PTPRD: variants seen among roughly 807,000 people sequenced by gnomAD.
PTPRD encodes receptor-type tyrosine-protein phosphatase delta.
Under a neutral mutation model 214.5 loss-of-function variants are expected in PTPRD, and 34 were observed. That is an observed-to-expected ratio of 0.16 (90% CI 0.12 to 0.21). The LOEUF (loss-of-function observed/expected upper bound fraction) is 0.21. PTPRD is among the 10% of genes least tolerant of loss of function. PTPRD has a pLI of 1.00. For missense variants in PTPRD, 2,545 were observed against 2,398.7 expected (o/e 1.06, Z -1.27); for synonymous variants, 1,128 against 845.7 (o/e 1.33, Z -5.79).
intron 5 of PTPRD, among the ~76,000 whole-genome samples, chr9:9,931,840 G>T (rs1449112278): frequency 6.6e-6 from 1 of 150,890 alleles, no homozygotes; most frequent in Non-Finnish European, 1.5e-5. Context: ...TGACAGCTTT[G>T]AAGAGAGCAG....
chr9:9,860,309 T>C (rs2062448471), intron 5 of PTPRD, among the ~76,000 whole-genome samples: 1 of 152,254 alleles, frequency 6.6e-6, no homozygotes, highest in South Asian at 2.1e-4. Context: ...ACAACTTGTA[T>C]GTGAAAACTT....
chr9:9,695,462 A>G (rs1359807439), intron 7 of PTPRD, among the ~76,000 whole-genome samples: 2 of 152,204 alleles, frequency 1.3e-5, no homozygotes, highest in Non-Finnish European at 2.9e-5. Context: ...TCCCTAGGTC[A>G]TATGTGACCT....
chr9:8,758,643 A>G (rs1598902229), intron 11 of PTPRD, among the ~76,000 whole-genome samples: 1 of 152,214 alleles, frequency 6.6e-6, no homozygotes, highest in African/African-American at 2.4e-5. Flanking sequence ...TTTTAAAAAG[A>G]ATTTCTGACT....
intron 10 of PTPRD, among the ~76,000 whole-genome samples, chr9:9,148,874 A>G (rs946082512): frequency 6.6e-6 from 1 of 152,196 alleles, no homozygotes; most frequent in Non-Finnish European, 1.5e-5. Flanking sequence ...CAAGAAAATG[A>G]TATGGTTACA....
chr9:9,991,589 G>A (rs966654435), intron 4 of PTPRD, among the ~76,000 whole-genome samples: 14 of 152,022 alleles, frequency 9.2e-5, no homozygotes, highest in Admixed American at 7.9e-4. Flanking sequence ...TCGAACTCCT[G>A]AACTCAGGTG....
intron 3 of PTPRD, among the ~76,000 whole-genome samples, chr9:10,225,402 A>G (rs2099585515): frequency 6.6e-6 from 1 of 152,056 alleles, no homozygotes; most frequent in Non-Finnish European, 1.5e-5. Flanking sequence ...GCTGATATTA[A>G]CAGTCCGCTT....
intron 3 of PTPRD, among the ~76,000 whole-genome samples, chr9:10,226,520 C>A (rs955938753): frequency 3.3e-5 from 5 of 152,006 alleles, no homozygotes; most frequent in Non-Finnish European, 7.4e-5. Flanking sequence ...AGGAATGAGG[C>A]TCCAAGCACT....
At chr9:10,413,163 A>C (rs1356410126) in intron 2 of PTPRD, among the ~76,000 whole-genome samples, 2 of 151,998 alleles carry the variant, frequency 1.3e-5, no homozygotes, top group East Asian at 3.9e-4. Context: ...GGAAGAGAGG[A>C]AGTCAAACTA....
chr9:8,575,709 A>G (rs1222502758), intron 14 of PTPRD, among the ~76,000 whole-genome samples: 1 of 152,210 alleles, frequency 6.6e-6, no homozygotes, highest in African/African-American at 2.4e-5. Flanking sequence ...AATAATTCAG[A>G]AAGGAAAAAA....
chr9:10,351,207 A>AT (rs1050133994), intron 2 of PTPRD, among the ~76,000 whole-genome samples: 2 of 151,794 alleles, frequency 1.3e-5, no homozygotes, highest in Non-Finnish European at 2.9e-5. Context: ...TCAGTTGTAA[A>AT]TTTTTTTTTA....
In PTPRD at chr9:10,172,230, T is replaced by C. The variant is rs190707060; in HGVS notation, c.-544-138440A>G. On this transcript the variant is annotated intron_variant, in intron 3 of 45. Coordinates refer to ENST00000381196, the MANE Select transcript of PTPRD (RefSeq NM_002839.4). The stretch of plus-strand genomic sequence containing the variant: ...CTGTTTTTTGTTAGACTGCCAGTGC[T>C]AAAATCTCACCTGAAGGACAAGTCA... Among the ~76,000 whole-genome samples, 6 of 152,254 alleles carry C rather than the reference T, an allele frequency of 3.9e-5. No homozygotes were observed. The East Asian group carries it at 1.2e-3, about 29-fold the overall frequency.
intron 5 of PTPRD, among the ~76,000 whole-genome samples, chr9:9,778,157 G>T (rs1324719090): frequency 1.3e-5 from 2 of 152,176 alleles, no homozygotes; most frequent in Non-Finnish European, 2.9e-5. Context: ...GGTGGATGGA[G>T]AGGTGACATT....
Position 9,749,974 on chromosome 9 carries a change from G to A in PTPRD, c.-325-15403C>T, listed in dbSNP as rs529566709. Among the ~76,000 whole-genome samples, 7 of 152,248 alleles carry A rather than the reference G, an allele frequency of 4.6e-5. No homozygotes were observed. The South Asian group carries it at 1.4e-3, about 32-fold the overall frequency. ...TGCTCATATGTTGACTGATGTGTGT[G>A]GAACTACTTGCACAGCCTTCATAAC... is the stretch of plus-strand genomic sequence containing the variant. On this transcript the variant is annotated intron_variant, in intron 6 of 45. Coordinates refer to ENST00000381196, the MANE Select transcript of PTPRD (RefSeq NM_002839.4).
chr9:10,039,708 C>T (rs2097260505), intron 3 of PTPRD, among the ~76,000 whole-genome samples: 1 of 139,220 alleles, frequency 7.2e-6, no homozygotes, highest in South Asian at 2.2e-4. Context: ...GATTGTACTA[C>T]ATGAATTCTA....
intron 3 of PTPRD, among the ~76,000 whole-genome samples, chr9:10,244,828 G>A (rs538478809): frequency 6.6e-6 from 1 of 152,102 alleles, no homozygotes; most frequent in Non-Finnish European, 1.5e-5. Flanking sequence ...TACTTTTAAA[G>A]CATGCTGTTT....
chr9:8,379,679 G>C lies in PTPRD; in HGVS notation c.4387-2953C>G, dbSNP rs190192461. Among the ~76,000 whole-genome samples, 64 of 152,252 alleles carry C rather than the reference G, an allele frequency of 4.2e-4. No homozygotes were observed. In the East Asian group the frequency reaches 0.011, roughly 26 times the overall value. On this transcript the variant is annotated intron_variant, in intron 37 of 45. Coordinates refer to ENST00000381196, the MANE Select transcript of PTPRD (RefSeq NM_002839.4). ...AAATATCATAAGGTATTTCTAGAGA[G>C]AGTTACTATTTGTTAGGCTTCACAC... is the stretch of plus-strand genomic sequence containing the variant.
rs193290347 is a variant in PTPRD, at chr9:8,848,712, G to C, written c.-103-114766C>G. On this transcript the variant is annotated intron_variant, in intron 11 of 45. Transcript: ENST00000381196. Reference sequence around the variant, plus strand: ...TTTTAAAATCATGTCATATACAAGAGTGAGGAGGTTAAGAGTGAGTGAAAC... The same window carrying C: ...TTTTAAAATCATGTCATATACAAGACTGAGGAGGTTAAGAGTGAGTGAAAC... Among the ~76,000 whole-genome samples the C allele has an allele frequency of 3.3e-5, 5 of 152,180 alleles. No individual in the cohort carries two copies. In the East Asian group the frequency reaches 9.7e-4, roughly 29 times the overall value.
At chr9:8,953,962 C>T (rs1350997458) in intron 11 of PTPRD, among the ~76,000 whole-genome samples, 1 of 151,874 alleles carries the variant, frequency 6.6e-6, no homozygotes, top group Non-Finnish European at 1.5e-5. Context: ...TAAAACAGTG[C>T]TATAATTCAA....
At chr9:8,806,387 T>C (rs186953541) in intron 11 of PTPRD, among the ~76,000 whole-genome samples, 48 of 152,196 alleles carry the variant, frequency 3.2e-4, no homozygotes, top group Admixed American at 7.2e-4. Flanking sequence ...ACTGCAATCA[T>C]ATAATTTTTT....
Sources: allele counts gnomAD v4.1 joint callset (sites outside exome capture counted in the v4.1 genomes callset), GRCh38; gene constraint gnomAD v4.1.1; transcripts MANE v1.5; gene names NCBI Gene and HGNC (gene_info 2026-07-23, HGNC 2026-07-21).